CCDC85A: variants seen among roughly 807,000 people sequenced by gnomAD.
CCDC85A encodes the protein coiled-coil domain containing 85A.
A neutral mutation model predicts 50.2 loss-of-function variants in CCDC85A; 38 were observed. The observed-to-expected ratio is 0.76, with a 90% CI of 0.58 to 0.99. The LOEUF (loss-of-function observed/expected upper bound fraction) is 0.99, where lower values mean the gene tolerates loss of function less well. Among genes scored for constraint, CCDC85A ranks in the 50% least tolerant of loss-of-function variants. CCDC85A has a pLI of 0.00. For missense variants in CCDC85A, 820 were observed against 742.0 expected (o/e 1.11, Z -1.22); for synonymous variants, 366 against 301.4 (o/e 1.21, Z -2.22).
intron 2 of CCDC85A, among the ~76,000 whole-genome samples, chr2:56,213,689 G>A (rs1004540050): frequency 2.6e-5 from 4 of 151,812 alleles, no homozygotes; most frequent in African/African-American, 4.8e-5. Flanking sequence ...GGAACCCCTC[G>A]AACAGAGACT....
At chr2:56,366,352 T>C (rs1200546763) in intron 3 of CCDC85A, among the ~76,000 whole-genome samples, 1 of 152,176 alleles carries the variant, frequency 6.6e-6, no homozygotes, top group African/African-American at 2.4e-5. Context: ...ATAATAGCTA[T>C]ACTTATTTGC....
At chr2:56,316,336 AT>A (rs1055294320) in intron 2 of CCDC85A, among the ~76,000 whole-genome samples, 2 of 151,586 alleles carry the variant, frequency 1.3e-5, no homozygotes, top group African/African-American at 4.8e-5. Context: ...TCTTTTTTGG[AT>A]TTTTTTTCTC....
chr2:56,302,282 A>T (rs1672245962), intron 2 of CCDC85A, among the ~76,000 whole-genome samples: 3 of 152,068 alleles, frequency 2.0e-5, no homozygotes, highest in Admixed American at 2.0e-4. Context: ...TAAATAAATA[A>T]AAAAAATAAG....
chr2:56,384,557 A>G lies in CCDC85A; in HGVS notation c.*202A>G, dbSNP rs1676742439. On this transcript the variant is annotated 3_prime_UTR_variant, in exon 6 of 6. Transcript: ENST00000407595. The stretch of plus-strand genomic sequence containing the variant: ...TTCTGTGTCTCTCACCTCAATGTCC[A>G]CAACAGTCAATCTCAAACAAGGTAG... The G allele has an allele frequency of 2.0e-6, 1 of 501,656 alleles. No homozygotes were observed. The highest frequency in any genetic ancestry group is 1.9e-5 in the African/African-American group (1 of 52,142). 31.1% of individuals were successfully genotyped at this position (501,656 alleles called of 1,614,324 possible). A position where few individuals can be genotyped will look rare whatever the true frequency, so the allele number is the denominator to read the frequency against.
intron 3 of CCDC85A, among the ~76,000 whole-genome samples, chr2:56,357,581 G>T (rs903681049): frequency 1.3e-5 from 2 of 149,776 alleles, no homozygotes; most frequent in African/African-American, 4.9e-5. Flanking sequence ...GGTTTTCAGT[G>T]TGTGTTCAGT....
rs576509316 is a variant in CCDC85A, at chr2:56,266,110, G to A, written c.1240+72670G>A. Among the ~76,000 whole-genome samples the A allele has an allele frequency of 6.4e-4, 98 of 152,288 alleles. 1 individual carries two copies. The highest frequency in any genetic ancestry group is 3.9e-4 in the Admixed American group (6 of 15,290). ...GTAGATATCATAGACATAGAGAGTA[G>A]AATGGTGGTTACCAAAGGCTAGGGG... On this transcript the variant is annotated intron_variant, in intron 2 of 5. Coordinates refer to ENST00000407595, the MANE Select transcript of CCDC85A (RefSeq NM_001080433.2).
At chr2:56,197,520 T>G (rs1676576002) in intron 2 of CCDC85A, among the ~76,000 whole-genome samples, 1 of 152,176 alleles carries the variant, frequency 6.6e-6, no homozygotes, top group Non-Finnish European at 1.5e-5. Flanking sequence ...AGATGCAAAT[T>G]GAATTGATCT....
At position 56,286,961 on chromosome 2, in the gene CCDC85A, C is replaced by T. The variant is rs893947897; in HGVS notation, c.1241-55918C>T. The stretch of plus-strand genomic sequence containing the variant: ...ATTTTAGGTTTTATCCTTATACCTA[C>T]AGACACGACCTTTACTTTAGGGAGT... On this transcript the variant is annotated intron_variant, in intron 2 of 5. Coordinates refer to ENST00000407595, the MANE Select transcript of CCDC85A (RefSeq NM_001080433.2). Among the ~76,000 whole-genome samples the T allele has an allele frequency of 3.9e-5, 6 of 152,186 alleles. 1 individual carries two copies. In the South Asian group the frequency reaches 8.3e-4, roughly 21 times the overall value.
intron 2 of CCDC85A, among the ~76,000 whole-genome samples, chr2:56,214,344 T>G (rs1001302198): frequency 2.0e-5 from 3 of 151,970 alleles, no homozygotes; most frequent in African/African-American, 7.2e-5. Context: ...TTGATACCTG[T>G]GCACAGTAAG....
At chr2:56,372,316 G>GATTGT (rs1234077317) in intron 3 of CCDC85A, 28 bp from the exon 4 acceptor site, 1 of 1,504,192 alleles carries the variant, frequency 6.6e-7, no homozygotes, top group African/African-American at 1.4e-5. Flanking sequence ...TTTTCTGAGT[G>GATTGT]ATTGTACCAT....
chr2:56,354,306 G>A (rs1467217954), intron 3 of CCDC85A, among the ~76,000 whole-genome samples: 1 of 152,124 alleles, frequency 6.6e-6, no homozygotes. Flanking sequence ...ACAAAGAGAC[G>A]ACAAAGACAT....
At chr2:56,376,813 A>T (rs1031965160) in intron 5 of CCDC85A, among the ~76,000 whole-genome samples, 1 of 152,180 alleles carries the variant, frequency 6.6e-6, no homozygotes, top group African/African-American at 2.4e-5. Context: ...TTTCTGACCC[A>T]TAAAACAGGT....
intron 1 of CCDC85A, among the ~76,000 whole-genome samples, chr2:56,185,261 G>A (rs967486863): frequency 1.3e-5 from 2 of 152,230 alleles, no homozygotes; most frequent in Non-Finnish European, 2.9e-5. Context: ...GGCCAGTGAG[G>A]GGGTGAATCC....
Position 56,294,202 on chromosome 2 carries a change from C to T in CCDC85A, c.1241-48677C>T, listed in dbSNP as rs552640942. 2.4e-4 allele frequency among the ~76,000 whole-genome samples: 37 copies of T among 152,204 alleles called. No homozygotes were observed. The South Asian group carries it at 7.7e-3, about 32-fold the overall frequency. On this transcript the variant is annotated intron_variant, in intron 2 of 5. Coordinates refer to ENST00000407595, the MANE Select transcript of CCDC85A (RefSeq NM_001080433.2). ...TAACGCAGGAACAGAAAATCAAACA[C>T]CGAATGTTCTCACTTATAAGTGGGA... is the stretch of plus-strand genomic sequence containing the variant.
chr2:56,331,775 G>C (rs543818762), intron 2 of CCDC85A, among the ~76,000 whole-genome samples: 1 of 152,288 alleles, frequency 6.6e-6, no homozygotes, highest in East Asian at 1.9e-4. Context: ...AACAGCACTC[G>C]TGATTTTTTC....
chr2:56,316,214 G>A (rs1220750333), intron 2 of CCDC85A, among the ~76,000 whole-genome samples: 2 of 152,168 alleles, frequency 1.3e-5, no homozygotes, highest in African/African-American at 4.8e-5. Flanking sequence ...AACTGCTCCA[G>A]CGTCAAATTT....
At chr2:56,197,521 G>C (rs1250607955) in intron 2 of CCDC85A, among the ~76,000 whole-genome samples, 1 of 152,166 alleles carries the variant, frequency 6.6e-6, no homozygotes, top group Non-Finnish European at 1.5e-5. Context: ...GATGCAAATT[G>C]AATTGATCTG....
chr2:56,318,895 A>G (rs1009074261), intron 2 of CCDC85A, among the ~76,000 whole-genome samples: 3 of 152,112 alleles, frequency 2.0e-5, no homozygotes, highest in Non-Finnish European at 4.4e-5. Context: ...TAGATGGCTG[A>G]GTGACACAGC....
At chr2:56,349,362 G>A (rs1033059518) in intron 3 of CCDC85A, among the ~76,000 whole-genome samples, 5 of 152,292 alleles carry the variant, frequency 3.3e-5, no homozygotes, top group Admixed American at 1.3e-4. Context: ...GGAGCAGCAC[G>A]AGTGGTGTGG....
Sources: allele counts gnomAD v4.1 joint callset (sites outside exome capture counted in the v4.1 genomes callset), GRCh38; gene constraint gnomAD v4.1.1; transcripts MANE v1.5; gene names NCBI Gene and HGNC (gene_info 2026-07-23, HGNC 2026-07-21).